Variants in VPS41 observed in about 807,000 individuals in gnomAD.
VPS41 encodes the protein VPS41 subunit of HOPS complex.
VPS41 carries 85 observed loss-of-function variants against 130.9 expected under a neutral mutation model. The observed-to-expected ratio is 0.65, with a 90% CI of 0.55 to 0.78. The LOEUF (loss-of-function observed/expected upper bound fraction) is 0.78. Ranked by LOEUF, VPS41 falls within the 30% of genes least tolerant of loss-of-function variation. The pLI, the probability that VPS41 is intolerant of heterozygous loss-of-function variation, is 0.00. For missense variants in VPS41, 874 were observed against 1,018.7 expected (o/e 0.86, Z 1.93); for synonymous variants, 335 against 332.9 (o/e 1.01, Z -0.07).
chr7:38,772,694 A>T, intron 12 of VPS41, 57 bp from the exon 13 acceptor site: 1 of 1,253,478 alleles, frequency 8.0e-7, no homozygotes, highest in South Asian at 1.3e-5. Context: ...AAACTTGGCA[A>T]TGGTTTCAGA....
chr7:38,784,502 G>A (rs1784403409), intron 10 of VPS41, among the ~76,000 whole-genome samples: 1 of 152,288 alleles, frequency 6.6e-6, no homozygotes, highest in South Asian at 2.1e-4. Flanking sequence ...AGGCATGGTG[G>A]TGCACGCCTG....
Position 38,767,581 on chromosome 7 carries a change from A to C in VPS41, c.1203T>G (p.Tyr401Ter). 1 of 1,610,596 alleles carries C rather than the reference A, an allele frequency of 6.2e-7. No individual in the cohort carries two copies. Among genetic ancestry groups the C allele is most frequent in the Non-Finnish European group, 8.5e-7 (1 of 1,177,832 alleles). Residue 401 changes from tyrosine to a stop codon, truncating the protein, a stop_gained, in exon 15 of 29, where the codon TAT (tyrosine) becomes TAG (stop). Transcript: ENST00000310301. LOFTEE classifies it high-confidence loss of function. ...RHKILDIGLAYINHLVERGDY... is the reference protein window; with the variant it reads ...RHKILDIGLA ...CTCCTCTCTCCACCAGGTGATTTATATATGCCAAGCCAATATCCTAGAGAA... is the reference window on the plus strand; with the variant it reads ...CTCCTCTCTCCACCAGGTGATTTATCTATGCCAAGCCAATATCCTAGAGAA...
intron 8 of VPS41, chr7:38,796,463 T>A (rs1360782183): frequency 3.8e-6 from 2 of 530,410 alleles, no homozygotes; most frequent in Admixed American, 2.2e-5. Context: ...CCCAATGCAG[T>A]CCTTCAATTA....
chr7:38,775,492 T>C (rs1784242035), intron 11 of VPS41: 2 of 152,154 alleles, frequency 1.3e-5, no homozygotes, highest in East Asian at 3.9e-4. Flanking sequence ...TTTCTTCCAA[T>C]CACATTCTCA....
chr7:38,896,922 A>C (rs1335828063), intron 2 of VPS41, among the ~76,000 whole-genome samples: 1 of 152,212 alleles, frequency 6.6e-6, no homozygotes, highest in African/African-American at 2.4e-5. Context: ...GGCCAGGTGC[A>C]GTGACTCATG....
At chr7:38,764,232 C>T (rs1401797496) in intron 16 of VPS41, among the ~76,000 whole-genome samples, 3 of 152,174 alleles carry the variant, frequency 2.0e-5, no homozygotes, top group Non-Finnish European at 4.4e-5. Flanking sequence ...GAGAACCATG[C>T]CCACTAAAGC....
chr7:38,863,384 A>G (rs1349446122), intron 3 of VPS41, among the ~76,000 whole-genome samples: 1 of 152,184 alleles, frequency 6.6e-6, no homozygotes, highest in Non-Finnish European at 1.5e-5. Flanking sequence ...AAATAGTCCA[A>G]AATTCTCTGT....
chr7:38,735,981 C>A (rs1184122333), intron 25 of VPS41, among the ~76,000 whole-genome samples: 1 of 152,068 alleles, frequency 6.6e-6, no homozygotes, highest in Non-Finnish European at 1.5e-5. Context: ...AAATAAATGT[C>A]ATTTTTGAGG....
At chr7:38,904,715 A>C (rs1370909658) in intron 1 of VPS41, among the ~76,000 whole-genome samples, 1 of 152,248 alleles carries the variant, frequency 6.6e-6, no homozygotes, top group Admixed American at 6.5e-5. Context: ...TATTGATTTG[A>C]TTTTTATTGT....
chr7:38,782,441 CT>C (rs1784368822), intron 10 of VPS41, among the ~76,000 whole-genome samples: 1 of 152,226 alleles, frequency 6.6e-6, no homozygotes. Flanking sequence ...TCTTGGGGCT[CT>C]CAGGACTACC....
intron 22 of VPS41, among the ~76,000 whole-genome samples, chr7:38,749,767 C>T (rs1425800390): frequency 6.6e-6 from 1 of 152,200 alleles, no homozygotes; most frequent in Non-Finnish European, 1.5e-5. Context: ...CTTTGTCATT[C>T]GCAAATTGGT....
chr7:38,845,907 G>T (rs1362863589), intron 4 of VPS41, among the ~76,000 whole-genome samples: 1 of 152,158 alleles, frequency 6.6e-6, no homozygotes, highest in Non-Finnish European at 1.5e-5. Flanking sequence ...TTTCAAAATG[G>T]TGACACATAA....
At chr7:38,901,680 A>G (rs531801583) in intron 1 of VPS41, among the ~76,000 whole-genome samples, 1 of 152,270 alleles carries the variant, frequency 6.6e-6, no homozygotes, top group Admixed American at 6.5e-5. Flanking sequence ...CATCACAACT[A>G]CAGCAGTGGT....
At chr7:38,793,652 G>T (rs572719797) in intron 9 of VPS41, among the ~76,000 whole-genome samples, 128 of 152,242 alleles carry the variant, frequency 8.4e-4, no homozygotes, top group Middle Eastern at 3.4e-3. Context: ...CAGGCTACAA[G>T]TCTGAAATTG....
chr7:38,840,957 A>G (rs1018213699), intron 4 of VPS41, among the ~76,000 whole-genome samples: 1 of 152,192 alleles, frequency 6.6e-6, no homozygotes, highest in Non-Finnish European at 1.5e-5. Context: ...TTCTCAGGTG[A>G]CCTAGCTCTC....
chr7:38,834,956 C>T (rs1223605709), intron 4 of VPS41, among the ~76,000 whole-genome samples: 1 of 151,766 alleles, frequency 6.6e-6, no homozygotes, highest in Non-Finnish European at 1.5e-5. Flanking sequence ...ATTAATACTA[C>T]TAAGAATAAA....
At chr7:38,747,969 G>A (rs890133962) in intron 22 of VPS41, among the ~76,000 whole-genome samples, 1 of 152,218 alleles carries the variant, frequency 6.6e-6, no homozygotes, top group Admixed American at 6.5e-5. Context: ...CAAGTTCAAA[G>A]ATAATTTGAG....
intron 7 of VPS41, 143 bp downstream of exon 7, chr7:38,817,674 T>C: frequency 1.3e-6 from 1 of 761,350 alleles, no homozygotes; most frequent in South Asian, 1.5e-5. Context: ...CAAGAGATGA[T>C]GATCATCAGA....
intron 25 of VPS41, 52 bp downstream of exon 25, chr7:38,741,933 A>G: frequency 1.3e-6 from 2 of 1,593,452 alleles, no homozygotes; most frequent in South Asian, 1.1e-5. Context: ...ATATTTATCC[A>G]GTACTAAGTC....
Sources: gnomAD v4.1 joint callset for allele counts (sites outside exome capture counted in the v4.1 genomes callset) on GRCh38, gnomAD v4.1.1 for gene constraint, MANE v1.5 for transcripts, NCBI Gene and HGNC (gene_info 2026-07-23, HGNC 2026-07-21) for gene names.